Variants in EZR observed in about 807,000 individuals in gnomAD.
EZR encodes the protein cytovillin 2.
EZR carries 40 observed loss-of-function variants against 74.8 expected under a neutral mutation model. That is an observed-to-expected ratio of 0.53 (90% CI 0.42 to 0.70). The LOEUF is 0.70. Ranked by LOEUF, EZR falls within the 30% of genes least tolerant of loss-of-function variation. The pLI is 0.00. For missense variants in EZR, 678 were observed against 755.8 expected, an observed-to-expected ratio of 0.90 and a Z score of 1.21; for synonymous variants, 341 against 283.3, an observed-to-expected ratio of 1.20 and a Z score of -2.05.
intron 2 of EZR, among the ~76,000 whole-genome samples, chr6:158,808,569 A>G (rs1207831267): frequency 6.6e-6 from 1 of 152,232 alleles, no homozygotes; most frequent in East Asian, 1.9e-4. Flanking sequence ...TTTATCAGGT[A>G]CAAGTGGAAC....
chr6:158,769,809 T>C lies in EZR; in HGVS notation c.1226A>G (p.Asp409Gly), dbSNP rs76036745. The C allele has an allele frequency of 6.2e-7, 1 of 1,613,938 alleles. No homozygotes were observed. The highest frequency in any genetic ancestry group is 8.5e-7 in the Non-Finnish European group (1 of 1,180,022). ...CAGCTGCTCCTGGCTCTTTATCTGA[T>C]CCACCGCCTGTCTCTCCAGCTCCTC... The part of the protein sequence containing the change: ...AKEELERQAV[D>G]QIKSQEQLAA... The change falls in exon 11 of 14, where the codon GAT becomes GGT. Residue 409 changes from aspartate (D) to glycine (G), a missense_variant. By Grantham distance (94) the Asp-to-Gly change is moderately conservative (BLOSUM62 -1). Coordinates refer to ENST00000367075, the MANE Select transcript of EZR (RefSeq NM_001111077.2).
intron 2 of EZR, among the ~76,000 whole-genome samples, chr6:158,813,486 C>G (rs968084702): frequency 3.9e-5 from 6 of 152,238 alleles, no homozygotes. Flanking sequence ...ACTCATCCTA[C>G]CAGCACCTCT....
Position 158,810,285 on chromosome 6 carries a change from G to T in EZR, c.12+7797C>A, listed in dbSNP as rs948519988. Among the ~76,000 whole-genome samples the T allele has an allele frequency of 2.0e-5, 3 of 152,150 alleles. No homozygotes were observed. In the East Asian group the frequency reaches 5.8e-4, roughly 29 times the overall value. On this transcript the variant is annotated intron_variant, in intron 2 of 13. Transcript: ENST00000367075. ...GTTTGCCTGTAAGTGTTAAGAACGG[G>T]TTAATGAATAAAGGAAAACAGAACT...
chr6:158,770,976 A>G, intron 9 of EZR, 82 bp from the exon 10 acceptor site: 1 of 1,597,820 alleles, frequency 6.3e-7, no homozygotes, highest in Non-Finnish European at 8.6e-7. Context: ...GGGTACTTGA[A>G]GCTCCAGGAT....
At position 158,766,504 on chromosome 6, in the gene EZR, AAATC is replaced by A. The variant is rs1171755511; in HGVS notation, c.*406_*409del. ...AGATGGATCCTTCATAGAAATTAAAAAATCAATTTGAGCTCATTTCGAATACAGA... is the reference window on the plus strand; with the variant it reads ...AGATGGATCCTTCATAGAAATTAAAAAATTTGAGCTCATTTCGAATACAGA... On this transcript the variant is annotated 3_prime_UTR_variant, in exon 14 of 14. Coordinates refer to ENST00000367075, the MANE Select transcript of EZR (RefSeq NM_001111077.2). 1 of 163,226 alleles carries A rather than the reference AAATC, an allele frequency of 6.1e-6. No individual in the cohort carries two copies. The highest frequency in any genetic ancestry group is 1.3e-5 in the Non-Finnish European group (1 of 75,460). 10.1% of individuals were successfully genotyped at this position (163,226 alleles called of 1,614,324 possible).
Position 158,769,946 on chromosome 6 carries a change from T to A in EZR, c.1091-2A>T, listed in dbSNP as rs2128564982. The stretch of plus-strand genomic sequence containing the variant: ...CCCTCTGAATCTGCTCCGAGAGCTC[T>A]GCAAAGACACAAAGCCAGAGCCATT... On this transcript the variant is annotated splice_acceptor_variant, in intron 10 of 13. Transcript: ENST00000367075. LOFTEE classifies it high-confidence loss of function. 1 of 1,609,308 alleles carries A rather than the reference T, an allele frequency of 6.2e-7. No individual in the cohort carries two copies. The highest frequency in any genetic ancestry group is 8.5e-7 in the Non-Finnish European group (1 of 1,179,958).
intron 2 of EZR, among the ~76,000 whole-genome samples, chr6:158,794,796 T>C: frequency 6.6e-6 from 1 of 152,322 alleles, no homozygotes; most frequent in Non-Finnish European, 1.5e-5. Flanking sequence ...TAAAAACTTT[T>C]AAAAGTTATG....
chr6:158,767,626 T>C (rs907748730), intron 12 of EZR, 114 bp from the exon 13 acceptor site: 13 of 1,152,704 alleles, frequency 1.1e-5, no homozygotes, highest in Non-Finnish European at 1.4e-5. Flanking sequence ...CACTGAACTG[T>C]GCTGGGCTGT....
intron 7 of EZR, among the ~76,000 whole-genome samples, chr6:158,782,541 A>T (rs1479477175): frequency 6.6e-6 from 1 of 152,196 alleles, no homozygotes; most frequent in Non-Finnish European, 1.5e-5. Flanking sequence ...TCTGCTCTTT[A>T]CGTGGAAAGC....
At position 158,766,316 on chromosome 6, in the gene EZR, A is replaced by C. The variant is rs369966256; in HGVS notation, c.*598T>G. 16 of 149,648 alleles carry C rather than the reference A, an allele frequency of 1.1e-4. No homozygotes were observed. Among genetic ancestry groups the C allele is most frequent in the African/African-American group, 3.0e-4 (12 of 39,552 alleles). The allele number at this position is 149,648 out of a possible 1,614,324, so 9.3% of individuals were successfully genotyped here. ...TGTTAAGCAAAAAAAAAAAAAACAAAAAAAAAAATCCAAGTGTCCTCCTCC... is the reference window on the plus strand; with the variant it reads ...TGTTAAGCAAAAAAAAAAAAAACAACAAAAAAAATCCAAGTGTCCTCCTCC... On this transcript the variant is annotated 3_prime_UTR_variant, in exon 14 of 14. Transcript: ENST00000367075.
At chr6:158,774,379 G>T (rs1216608479) in intron 8 of EZR, among the ~76,000 whole-genome samples, 1 of 152,086 alleles carries the variant, frequency 6.6e-6, no homozygotes, top group African/African-American at 2.4e-5. Context: ...TTTAATCACA[G>T]CTGTACTGTT....
chr6:158,788,682 C>G (rs1436364919), intron 3 of EZR, among the ~76,000 whole-genome samples: 5 of 151,174 alleles, frequency 3.3e-5, no homozygotes, highest in Non-Finnish European at 7.4e-5. Context: ...GTATTTGAAG[C>G]AGCTGTTATT....
At chr6:158,814,332 G>C (rs529989498) in intron 2 of EZR, among the ~76,000 whole-genome samples, 10 of 152,020 alleles carry the variant, frequency 6.6e-5, no homozygotes, top group Non-Finnish European at 1.3e-4. Flanking sequence ...TCTCAATACA[G>C]TCTGCCAATT....
In EZR at chr6:158,766,963, A is replaced by C; in HGVS notation, c.1712T>G (p.Ile571Ser). The C allele has an allele frequency of 1.2e-6, 2 of 1,614,102 alleles. No homozygotes were observed. The highest frequency in any genetic ancestry group is 1.7e-6 in the Non-Finnish European group (2 of 1,180,012). Residue 571 changes from isoleucine (I) to serine (S), a missense_variant, in exon 14 of 14, where the codon ATC (isoleucine) becomes AGC (serine). Ile to Ser is a moderately radical substitution (Grantham distance 142, BLOSUM62 -2). Coordinates refer to ENST00000367075, the MANE Select transcript of EZR (RefSeq NM_001111077.2). ...GCGCTGCTTGGTGTTGCCCTGCCGG[A>C]TCTGCCGCAGCGTCTTGTACTTGTC... Reference protein sequence around the residue: ...GRDKYKTLRQIRQGNTKQRID... With the variant: ...GRDKYKTLRQSRQGNTKQRID...
intron 2 of EZR, 191 bp from the exon 3 acceptor site, chr6:158,789,562 T>C (rs763274458): frequency 1.4e-6 from 1 of 739,148 alleles, no homozygotes; most frequent in Non-Finnish European, 2.5e-6. Flanking sequence ...AGGCACACAG[T>C]GCAAACCAAA....
At chr6:158,786,673 G>A (rs544570095) in intron 4 of EZR, among the ~76,000 whole-genome samples, 1 of 151,136 alleles carries the variant, frequency 6.6e-6, no homozygotes. Flanking sequence ...AAAAAAAAAG[G>A]ATAATTTTCA....
intron 3 of EZR, 102 bp downstream of exon 3, chr6:158,789,186 G>A (rs1227058840): frequency 1.3e-6 from 1 of 790,828 alleles, no homozygotes; most frequent in Non-Finnish European, 2.1e-6. Flanking sequence ...ATTACCTCAA[G>A]TGAGTAAAAC....
At chr6:158,818,234 T>G (rs1777605912) in intron 1 of EZR, 68 bp from the exon 2 acceptor site, 1 of 846,018 alleles carries the variant, frequency 1.2e-6, no homozygotes, top group South Asian at 2.0e-5. Flanking sequence ...CGCCCGACAC[T>G]CGGCGCCCGC....
In EZR at chr6:158,792,587, AGGAGGGCAG is replaced by A. The variant is rs373716274; in HGVS notation, c.13-3225_13-3217del. Among the ~76,000 whole-genome samples, 293 of 152,186 alleles carry A rather than the reference AGGAGGGCAG, an allele frequency of 1.9e-3. No homozygotes were observed. In the Middle Eastern group the frequency reaches 0.031, roughly 16 times the overall value. On this transcript the variant is annotated intron_variant, in intron 2 of 13. Transcript: ENST00000367075. ...GTAATCCCAGCACTTTGGGAGGCCG[AGGAGGGCAG>A]ATCACGAGGTCAGGAGATGGAGATC...
Sources: gnomAD v4.1 joint callset for allele counts (sites outside exome capture counted in the v4.1 genomes callset) on GRCh38, gnomAD v4.1.1 for gene constraint, MANE v1.5 for transcripts, NCBI Gene and HGNC (gene_info 2026-07-23, HGNC 2026-07-21) for gene names.